NLGN1: variants seen among roughly 807,000 people sequenced by gnomAD.
NLGN1 encodes the protein neuroligin-1.
NLGN1 carries 12 observed loss-of-function variants against 65.5 expected under a neutral mutation model. The observed-to-expected ratio is 0.18, with a 90% CI of 0.12 to 0.30. The LOEUF is 0.30. Among genes scored for constraint, NLGN1 ranks in the 10% least tolerant of loss-of-function variants. The pLI, the probability that NLGN1 is intolerant of heterozygous loss-of-function variation, is 1.00. For missense variants in NLGN1, 750 were observed against 1,007.1 expected, an observed-to-expected ratio of 0.74 and a Z score of 3.46; for synonymous variants, 350 against 359.5, an observed-to-expected ratio of 0.97 and a Z score of 0.30.
intron 4 of NLGN1, among the ~76,000 whole-genome samples, chr3:173,970,552 A>G (rs988088595): frequency 3.9e-5 from 6 of 152,044 alleles, no homozygotes; most frequent in African/African-American, 1.4e-4. Context: ...TAAAAAAAAA[A>G]GTTGGATTTT....
At chr3:173,474,725 C>T (rs960202981) in intron 2 of NLGN1, among the ~76,000 whole-genome samples, 5 of 152,074 alleles carry the variant, frequency 3.3e-5, no homozygotes, top group Middle Eastern at 6.8e-3. Context: ...TTTGGGAGGC[C>T]GAGGTGGGTG....
intron 1 of NLGN1, among the ~76,000 whole-genome samples, chr3:173,412,351 A>G (rs1200677552): frequency 7.0e-6 from 1 of 143,146 alleles, no homozygotes; most frequent in African/African-American, 2.5e-5. Flanking sequence ...CACAGTGTGC[A>G]CACATATTTG....
rs183135764 is a variant in NLGN1 at position 173,886,063 on chromosome 3, T to C, written c.646+78231T>C. Among the ~76,000 whole-genome samples the C allele has an allele frequency of 2.0e-5, 3 of 152,242 alleles. No individual in the cohort carries two copies. In the East Asian group the frequency reaches 5.8e-4, roughly 29 times the overall value. The stretch of plus-strand genomic sequence containing the variant: ...TCCCAAACACCTAGGGGCCCATCAG[T>C]AGATAAATACTTAGGTAAATTATGT... On this transcript the variant is annotated intron_variant, in intron 4 of 6. Coordinates refer to ENST00000457714, the Ensembl canonical transcript of NLGN1.
intron 2 of NLGN1, among the ~76,000 whole-genome samples, chr3:173,525,328 T>C (rs1473343540): frequency 1.3e-5 from 2 of 152,064 alleles, no homozygotes; most frequent in Non-Finnish European, 2.9e-5. Context: ...TTTCTATTTT[T>C]TTCTTCTTTA....
At chr3:173,697,270 G>A (rs1219336102) in intron 3 of NLGN1, among the ~76,000 whole-genome samples, 1 of 152,174 alleles carries the variant, frequency 6.6e-6, no homozygotes, top group East Asian at 1.9e-4. Context: ...GTGTGTCAAA[G>A]CAGGACTCAA....
At chr3:173,505,159 G>C (rs1275303130) in intron 2 of NLGN1, among the ~76,000 whole-genome samples, 2 of 151,946 alleles carry the variant, frequency 1.3e-5, no homozygotes, top group Non-Finnish European at 2.9e-5. Context: ...TCAGGAAACA[G>C]AGACTTACTC....
chr3:174,281,395 T>G, exon 7 of NLGN1: 1 of 780,298 alleles, frequency 1.3e-6, no homozygotes, highest in Non-Finnish European at 2.1e-6. Context: ...ACTTACTATT[T>G]AAATAAGGAG....
In NLGN1 at chr3:173,426,949, C is replaced by G. The variant is rs747491406; in HGVS notation, c.-389-8061C>G. On this transcript the variant is annotated intron_variant, in intron 1 of 6. Transcript: ENST00000457714. Reference sequence around the variant, plus strand: ...TGGTAAAACTTAGCAATGAAATTATCTGGTTACGGACTTTCTTTGTGGAGA... The same window carrying G: ...TGGTAAAACTTAGCAATGAAATTATGTGGTTACGGACTTTCTTTGTGGAGA... Among the ~76,000 whole-genome samples the G allele has an allele frequency of 1.2e-4, 18 of 151,956 alleles. 1 individual carries two copies. The highest frequency in any genetic ancestry group is 5.9e-5 in the Non-Finnish European group (4 of 67,896).
Position 174,039,888 on chromosome 3 carries a change from T to A in NLGN1, c.646+232056T>A, listed in dbSNP as rs74809466. Among the ~76,000 whole-genome samples the A allele has an allele frequency of 4.2e-3, 641 of 152,182 alleles. 4 individuals carry two copies. The highest frequency in any genetic ancestry group is 0.015 in the African/African-American group (623 of 41,540). ...ATGTGAGAAATGACAGCAAAATAAG[T>A]AGGACTTTCGTGTTGCAGCAGTGGT... On this transcript the variant is annotated intron_variant, in intron 4 of 6. Transcript: ENST00000457714.
At chr3:173,447,635 A>G (rs962945436) in intron 2 of NLGN1, among the ~76,000 whole-genome samples, 6 of 152,166 alleles carry the variant, frequency 3.9e-5, no homozygotes, top group Admixed American at 3.9e-4. Context: ...CATTGAATCT[A>G]TAAATTACCT....
chr3:173,944,090 TA>T (rs1746680635), intron 4 of NLGN1, among the ~76,000 whole-genome samples: 1 of 151,964 alleles, frequency 6.6e-6, no homozygotes, highest in South Asian at 2.1e-4. Flanking sequence ...CTTTTTGTTA[TA>T]AATGTCATTT....
chr3:173,459,688 A>G (rs892478176), intron 2 of NLGN1, among the ~76,000 whole-genome samples: 1 of 152,240 alleles, frequency 6.6e-6, no homozygotes, highest in East Asian at 1.9e-4. Context: ...ATGCAAAATA[A>G]AACTATTGCC....
intron 4 of NLGN1, among the ~76,000 whole-genome samples, chr3:174,083,974 G>A (rs1164397764): frequency 6.6e-6 from 1 of 152,178 alleles, no homozygotes; most frequent in East Asian, 1.9e-4. Flanking sequence ...ACAGCCTCTA[G>A]ATGGAAAATA....
At chr3:173,469,567 A>G (rs147452237) in intron 2 of NLGN1, among the ~76,000 whole-genome samples, 78 of 152,148 alleles carry the variant, frequency 5.1e-4, no homozygotes, top group African/African-American at 1.9e-3. Flanking sequence ...GATGGATGCT[A>G]ACTGACATTT....
At chr3:174,074,656 A>T (rs1318592483) in intron 4 of NLGN1, among the ~76,000 whole-genome samples, 1 of 152,200 alleles carries the variant, frequency 6.6e-6, no homozygotes, top group Admixed American at 6.5e-5. Context: ...AAGGCAGAGA[A>T]TTCAGCAACA....
chr3:174,269,816 G>C (rs545558548), intron 4 of NLGN1, among the ~76,000 whole-genome samples: 2 of 151,960 alleles, frequency 1.3e-5, no homozygotes, highest in African/African-American at 4.8e-5. Context: ...AACAAGGGTT[G>C]CAAATCTTCT....
intron 4 of NLGN1, among the ~76,000 whole-genome samples, chr3:174,044,921 A>T (rs532595423): frequency 6.6e-6 from 1 of 152,050 alleles, no homozygotes; most frequent in Non-Finnish European, 1.5e-5. Context: ...TCTTCCTGCC[A>T]TCATGTGAAG....
At chr3:173,825,661 C>T (rs9878812) in intron 4 of NLGN1, among the ~76,000 whole-genome samples, 124,920 of 152,018 alleles carry the variant, frequency 0.82, 52,046 homozygotes, top group African/African-American at 0.86. Flanking sequence ...TGATAAGCTG[C>T]TTTCCACTAA....
At chr3:173,716,897 A>G (rs535128924) in intron 3 of NLGN1, among the ~76,000 whole-genome samples, 1 of 152,242 alleles carries the variant, frequency 6.6e-6, no homozygotes, top group South Asian at 2.1e-4. Flanking sequence ...AATGCACTGA[A>G]GGGGTGGGGG....
Sources: allele counts gnomAD v4.1 joint callset (sites outside exome capture counted in the v4.1 genomes callset), GRCh38; gene constraint gnomAD v4.1.1; transcripts MANE v1.5; gene names NCBI Gene and HGNC (gene_info 2026-07-23, HGNC 2026-07-21).